Variants in CALN1 observed in about 807,000 individuals in gnomAD.
CALN1 encodes the protein calneuron 1.
In CALN1, 17 loss-of-function variants were observed where a neutral mutation model predicts 30.6. That is an observed-to-expected ratio of 0.56 (90% CI 0.38 to 0.83). The LOEUF (loss-of-function observed/expected upper bound fraction) is 0.83, where lower values mean the gene tolerates loss of function less well. Among genes scored for constraint, CALN1 ranks in the 40% least tolerant of loss-of-function variants. The pLI, the probability that CALN1 is intolerant of heterozygous loss-of-function variation, is 0.00. For synonymous variants in CALN1, 156 were observed against 131.4 expected (o/e 1.19, Z -1.28); for missense variants, 291 against 354.9 (o/e 0.82, Z 1.45).
At chr7:71,902,785 C>T (rs184857984) in intron 5 of CALN1, among the ~76,000 whole-genome samples, 11 of 152,090 alleles carry the variant, frequency 7.2e-5, no homozygotes, top group Admixed American at 4.6e-4. Flanking sequence ...ATATATATTA[C>T]GGAATACTAC....
chr7:72,450,544 C>T (rs552529918), upstream of CALN1, among the ~76,000 whole-genome samples: 72 of 152,328 alleles, frequency 4.7e-4, no homozygotes, highest in African/African-American at 1.1e-3. Flanking sequence ...CCTACTACGT[C>T]CTCCTCAAAT....
intron 4 of CALN1, among the ~76,000 whole-genome samples, chr7:72,080,175 T>A (rs764982150): frequency 6.6e-6 from 1 of 152,208 alleles, no homozygotes; most frequent in Non-Finnish European, 1.5e-5. Flanking sequence ...TGAACCCAAC[T>A]ACACCTGTGC....
intron 5 of CALN1, among the ~76,000 whole-genome samples, chr7:72,011,414 T>C (rs143043657): frequency 1.4e-3 from 218 of 152,132 alleles, no homozygotes; most frequent in African/African-American, 4.5e-3. Context: ...CTCTGCGCTG[T>C]GGGTCAAGAG....
At chr7:72,155,640 C>A (rs2129544474) in intron 3 of CALN1, among the ~76,000 whole-genome samples, 1 of 152,258 alleles carries the variant, frequency 6.6e-6, no homozygotes. Context: ...TGGCCAGAGA[C>A]CCTTTGTACT....
intron 1 of CALN1, among the ~76,000 whole-genome samples, chr7:72,434,648 CA>C (rs1022933174): frequency 2.6e-5 from 4 of 152,094 alleles, no homozygotes; most frequent in African/African-American, 7.2e-5. Context: ...AAGATCTTTC[CA>C]GGGGGAGAGG....
chr7:71,948,021 G>A (rs146568884), intron 5 of CALN1, among the ~76,000 whole-genome samples: 1 of 152,196 alleles, frequency 6.6e-6, no homozygotes, highest in East Asian at 1.9e-4. Context: ...CAGAGGGGCA[G>A]TGCATTTTTG....
At chr7:71,835,102 G>A (rs549321133) in intron 5 of CALN1, among the ~76,000 whole-genome samples, 18 of 152,268 alleles carry the variant, frequency 1.2e-4, no homozygotes, top group African/African-American at 3.6e-4. Context: ...CTCTCCCAAT[G>A]TGCTGGGATT....
At chr7:71,788,060 T>C (rs1372737381) in intron 6 of CALN1, among the ~76,000 whole-genome samples, 158 bp from the exon 7 acceptor site, 28 of 152,234 alleles carry the variant, frequency 1.8e-4, no homozygotes, top group Admixed American at 1.8e-3. Flanking sequence ...CAGGCATTTA[T>C]GGGACCACTG....
intron 3 of CALN1, among the ~76,000 whole-genome samples, chr7:72,161,809 G>A (rs1437708351): frequency 6.6e-6 from 1 of 151,984 alleles, no homozygotes; most frequent in East Asian, 1.9e-4. Flanking sequence ...CGGAAGAATA[G>A]CTGATGGATG....
At position 72,332,417 on chromosome 7, in the gene CALN1, G is replaced by A. The variant is rs116511946; in HGVS notation, c.120-53607C>T. ...GCCATGGCAACAGTAAACTGACATGGCACATGTGTGGGTGTGTCTTATGGA... is the reference window on the plus strand; with the variant it reads ...GCCATGGCAACAGTAAACTGACATGACACATGTGTGGGTGTGTCTTATGGA... On this transcript the variant is annotated intron_variant, in intron 2 of 6. Coordinates refer to ENST00000395275, the MANE Select transcript of CALN1 (RefSeq NM_031468.4). 5.6e-3 allele frequency among the ~76,000 whole-genome samples: 854 copies of A among 152,118 alleles called. 8 individuals are homozygous for A. Among genetic ancestry groups the A allele is most frequent in the African/African-American group, 0.018 (751 of 41,492 alleles).
At chr7:72,166,783 C>G (rs1343964388) in intron 3 of CALN1, among the ~76,000 whole-genome samples, 13 of 152,130 alleles carry the variant, frequency 8.5e-5, no homozygotes, top group Admixed American at 8.5e-4. Flanking sequence ...TGGCTCACGC[C>G]AGTAATCCCA....
chr7:72,297,300 A>G (rs1008787657), intron 2 of CALN1, among the ~76,000 whole-genome samples: 1 of 152,092 alleles, frequency 6.6e-6, no homozygotes, highest in Non-Finnish European at 1.5e-5. Flanking sequence ...ACAACAAAAT[A>G]AATTAAGAAA....
rs573683590 is a variant in CALN1 at position 72,321,198 on chromosome 7, T to C, written c.120-42388A>G. Among the ~76,000 whole-genome samples the C allele has an allele frequency of 3.9e-4, 60 of 152,300 alleles. No homozygotes were observed. In the South Asian group the frequency reaches 9.7e-3, roughly 25 times the overall value. ...GAAAAAGCACTGTCTATTTGAGTCC[T>C]TGAGTTTCGCATTTATTGTCTTCAT... is the stretch of plus-strand genomic sequence containing the variant. On this transcript the variant is annotated intron_variant, in intron 2 of 6. Transcript: ENST00000395275.
intron 2 of CALN1, among the ~76,000 whole-genome samples, chr7:72,322,861 T>C (rs955595429): frequency 6.6e-6 from 1 of 151,986 alleles, no homozygotes; most frequent in Non-Finnish European, 1.5e-5. Flanking sequence ...TATACCCCAC[T>C]TACCCTGACA....
At chr7:72,341,705 A>G (rs936596204) in intron 2 of CALN1, among the ~76,000 whole-genome samples, 1 of 152,160 alleles carries the variant, frequency 6.6e-6, no homozygotes, top group Non-Finnish European at 1.5e-5. Flanking sequence ...CTCTCTCTGA[A>G]TCTCATTGCC....
intron 3 of CALN1, among the ~76,000 whole-genome samples, chr7:72,125,548 G>A (rs949378851): frequency 2.6e-5 from 4 of 152,156 alleles, no homozygotes; most frequent in African/African-American, 4.8e-5. Flanking sequence ...AAAAATGGAA[G>A]AGTAAAGTAG....
chr7:72,474,466 G>A, the CALN1 span, among the ~76,000 whole-genome samples: 3 of 151,872 alleles, frequency 2.0e-5, no homozygotes, highest in Admixed American at 1.3e-4. Flanking sequence ...TGGGAGGATC[G>A]CTTGAACCCA....
intron 3 of CALN1, among the ~76,000 whole-genome samples, chr7:72,227,977 T>C (rs1416889029): frequency 6.6e-6 from 1 of 151,964 alleles, no homozygotes; most frequent in Non-Finnish European, 1.5e-5. Context: ...CCACAATCCC[T>C]ACTCTCATTT....
chr7:72,163,578 A>G (rs1051254649), intron 3 of CALN1, among the ~76,000 whole-genome samples: 2 of 152,158 alleles, frequency 1.3e-5, no homozygotes, highest in African/African-American at 4.8e-5. Flanking sequence ...ACCTCTGCAG[A>G]GAAACAAAAA....
Sources: allele counts gnomAD v4.1 joint callset (sites outside exome capture counted in the v4.1 genomes callset), GRCh38; gene constraint gnomAD v4.1.1; transcripts MANE v1.5; gene names NCBI Gene and HGNC (gene_info 2026-07-23, HGNC 2026-07-21).